MAP2: variants seen among roughly 807,000 people sequenced by gnomAD.
The protein encoded by MAP2 is microtubule-associated protein 2.
MAP2 carries 14 observed loss-of-function variants against 137.6 expected under a neutral mutation model. That is an observed-to-expected ratio of 0.10 (90% CI 0.07 to 0.16). The LOEUF (loss-of-function observed/expected upper bound fraction) is 0.16, where lower values mean the gene tolerates loss of function less well. Among genes scored for constraint, MAP2 ranks in the 10% least tolerant of loss-of-function variants. MAP2 has a pLI of 1.00. For synonymous variants in MAP2, 786 were observed against 782.3 expected (o/e 1.00, Z -0.08); for missense variants, 2,088 against 2,191.5 (o/e 0.95, Z 0.94).
intron 2 of MAP2, among the ~76,000 whole-genome samples, chr2:209,511,113 C>A (rs2061667124): frequency 6.6e-6 from 1 of 151,948 alleles, no homozygotes; most frequent in African/African-American, 2.4e-5. Context: ...TGTGTGCTAG[C>A]TAGTGTAGAT....
intron 2 of MAP2, among the ~76,000 whole-genome samples, chr2:209,561,606 T>C (rs1057190378): frequency 2.0e-5 from 3 of 152,354 alleles, no homozygotes; most frequent in Admixed American, 6.5e-5. Flanking sequence ...AGGCAAATTA[T>C]AAGCACACAT....
At chr2:209,670,678 A>G (rs2048427944) in intron 5 of MAP2, among the ~76,000 whole-genome samples, 2 of 151,908 alleles carry the variant, frequency 1.3e-5, no homozygotes, top group Non-Finnish European at 2.9e-5. Flanking sequence ...AGAGGAAAAA[A>G]AAGAGCAAGA....
intron 1 of MAP2, among the ~76,000 whole-genome samples, chr2:209,467,423 G>A (rs1175387093): frequency 6.6e-6 from 1 of 151,972 alleles, no homozygotes; most frequent in African/African-American, 2.4e-5. Flanking sequence ...TACCATTGAG[G>A]ACTACTTAAA....
rs185981492 is a variant in MAP2, at chr2:209,616,465, A to T, written c.-106-8588A>T. Among the ~76,000 whole-genome samples, 7 of 152,230 alleles carry T rather than the reference A, an allele frequency of 4.6e-5. No homozygotes were observed. In the East Asian group the frequency reaches 1.4e-3, roughly 29 times the overall value. On this transcript the variant is annotated intron_variant, in intron 3 of 15. Transcript: ENST00000682079. ...GGAAAATAAACTACGTCATTCATTA[A>T]CTCATTCATTAGACCTTTACTAACC...
chr2:209,517,978 G>A (rs750862968), intron 2 of MAP2, among the ~76,000 whole-genome samples: 3 of 151,892 alleles, frequency 2.0e-5, no homozygotes, highest in Non-Finnish European at 2.9e-5. Flanking sequence ...ATAGTTTCAT[G>A]GGCATGTATT....
intron 13 of MAP2, among the ~76,000 whole-genome samples, chr2:209,719,677 G>A (rs1264302245): frequency 6.6e-6 from 1 of 152,076 alleles, no homozygotes; most frequent in Non-Finnish European, 1.5e-5. Flanking sequence ...AAACCGTGGT[G>A]ATAAAATCCA....
intron 1 of MAP2, among the ~76,000 whole-genome samples, chr2:209,445,838 T>A (rs957685299): frequency 1.3e-5 from 2 of 151,676 alleles, no homozygotes; most frequent in Non-Finnish European, 3.0e-5. Flanking sequence ...CAAGAAAATA[T>A]AGCAGCTCTT....
chr2:209,435,995 TA>T (rs1696012508), intron 1 of MAP2, among the ~76,000 whole-genome samples: 2 of 69,352 alleles, frequency 2.9e-5, no homozygotes, highest in Non-Finnish European at 4.7e-5. Context: ...ATATATTATA[TA>T]CTATATATAC....
chr2:209,495,375 C>T (rs1197444895), intron 1 of MAP2, among the ~76,000 whole-genome samples: 4 of 152,254 alleles, frequency 2.6e-5, no homozygotes, highest in Non-Finnish European at 5.9e-5. Context: ...CCCTGACCCC[C>T]GTGCCTCATA....
In MAP2 at chr2:209,695,290, T is replaced by C; in HGVS notation, c.3120T>C (p.Phe1040=). The C allele has an allele frequency of 1.2e-6, 2 of 1,614,036 alleles. No individual in the cohort carries two copies. The highest frequency in any genetic ancestry group is 1.7e-6 in the Non-Finnish European group (2 of 1,179,990). ...PSKKVEQGLD[F]AVQGQLDVKI... is the part of the protein sequence containing the mutation. ...AAAAGGTGGAACAAGGTCTGGATTT[T>C]GCTGTCCAGGGTCAACTAGATGTTA... The change falls in exon 8 of 16, where the codon TTT becomes TTC. Residue 1040 remains phenylalanine, a synonymous_variant. Coordinates refer to ENST00000682079, the MANE Select transcript of MAP2 (RefSeq NM_001375505.1).
intron 1 of MAP2, among the ~76,000 whole-genome samples, chr2:209,501,766 T>C (rs1416462730): frequency 6.6e-6 from 1 of 151,908 alleles, no homozygotes; most frequent in African/African-American, 2.4e-5. Flanking sequence ...ACCTATTTGC[T>C]CAATAACTGG....
At chr2:209,626,387 C>T (rs1289863706) in intron 4 of MAP2, among the ~76,000 whole-genome samples, 1 of 152,060 alleles carries the variant, frequency 6.6e-6, no homozygotes, top group Admixed American at 6.6e-5. Flanking sequence ...GCACTCCAGC[C>T]CAGGTGACAG....
intron 2 of MAP2, among the ~76,000 whole-genome samples, chr2:209,559,980 A>G (rs16843089): frequency 0.02 from 3,002 of 152,324 alleles, 96 homozygotes; most frequent in African/African-American, 0.068. Context: ...GATTAGTGCT[A>G]TGAAACAAGT....
chr2:209,562,868 T>C (rs1002865616), intron 2 of MAP2, among the ~76,000 whole-genome samples: 3 of 152,134 alleles, frequency 2.0e-5, no homozygotes, highest in Non-Finnish European at 4.4e-5. Flanking sequence ...TTTTTAAAAA[T>C]TGGGGGTCAT....
chr2:209,507,607 T>C lies in MAP2; in HGVS notation c.-206T>C, dbSNP rs1321624419. 6.6e-6 allele frequency: 1 copy of C among 152,110 alleles called. No individual in the cohort carries two copies. The highest frequency in any genetic ancestry group is 6.6e-5 in the Admixed American group (1 of 15,244). 9.4% of individuals were successfully genotyped at this position (152,110 alleles called of 1,614,324 possible). A position where few individuals can be genotyped will look rare whatever the true frequency, so the allele number is the denominator to read the frequency against. ...CTTCTTTTAGATTTTATTGATCTAA[T>C]CCAAAGTATCTTATAACTTCTGGCT... On this transcript the variant is annotated 5_prime_UTR_variant, in exon 2 of 16. Coordinates refer to ENST00000682079, the MANE Select transcript of MAP2 (RefSeq NM_001375505.1).
chr2:209,658,828 T>A (rs2042105114), intron 5 of MAP2, among the ~76,000 whole-genome samples: 1 of 152,142 alleles, frequency 6.6e-6, no homozygotes. Context: ...ATTTTCTAAT[T>A]TCTATTCATC....
At chr2:209,689,398 C>T (rs924438093) in intron 7 of MAP2, among the ~76,000 whole-genome samples, 10 of 152,064 alleles carry the variant, frequency 6.6e-5, no homozygotes, top group Admixed American at 5.9e-4. Flanking sequence ...GTCTTTCCCT[C>T]AGGGCCGTTT....
intron 4 of MAP2, among the ~76,000 whole-genome samples, chr2:209,635,799 A>G (rs1382900027): frequency 3.3e-5 from 5 of 152,100 alleles, no homozygotes; most frequent in African/African-American, 4.8e-5. Context: ...GTTAAAACGC[A>G]TTTTCTCTTT....
At chr2:209,443,277 A>T in intron 1 of MAP2, among the ~76,000 whole-genome samples, 1 of 148,208 alleles carries the variant, frequency 6.7e-6, no homozygotes, top group East Asian at 2.0e-4. Flanking sequence ...CAGTTTTTGT[A>T]TTTCTATCCC....
Sources: gnomAD v4.1 joint callset for allele counts (sites outside exome capture counted in the v4.1 genomes callset) on GRCh38, gnomAD v4.1.1 for gene constraint, MANE v1.5 for transcripts, NCBI Gene and HGNC (gene_info 2026-07-23, HGNC 2026-07-21) for gene names.